CCDC85A: variants seen among roughly 807,000 people sequenced by gnomAD.
CCDC85A encodes coiled-coil domain-containing protein 85A.
Under a neutral mutation model 50.2 loss-of-function variants are expected in CCDC85A, and 38 were observed. The ratio of observed to expected loss-of-function variants is 0.76; its 90% CI spans 0.58 to 0.99. The LOEUF (loss-of-function observed/expected upper bound fraction) is 0.99. CCDC85A is among the 50% of genes least tolerant of loss of function. The pLI is 0.00. For synonymous variants in CCDC85A, 366 were observed against 301.4 expected (o/e 1.21, Z -2.22); for missense variants, 820 against 742.0 (o/e 1.11, Z -1.22).
At chr2:56,226,453 C>T (rs1160648) in intron 2 of CCDC85A, among the ~76,000 whole-genome samples, 56,039 of 151,942 alleles carry the variant, frequency 0.37, 11,922 homozygotes, top group East Asian at 0.58. Flanking sequence ...CCACAATGTC[C>T]AGCACTTAGT....
At chr2:56,378,574 C>G (rs922012179) in intron 5 of CCDC85A, among the ~76,000 whole-genome samples, 2 of 152,156 alleles carry the variant, frequency 1.3e-5, no homozygotes, top group Non-Finnish European at 2.9e-5. Flanking sequence ...GGTAAATTAA[C>G]TGTAATCTGA....
chr2:56,339,370 G>C (rs949255789), intron 2 of CCDC85A, among the ~76,000 whole-genome samples: 1 of 151,990 alleles, frequency 6.6e-6, no homozygotes, highest in African/African-American at 2.4e-5. Context: ...AAACGAGAGA[G>C]GATATTTTCC....
At chr2:56,368,022 G>A (rs1034988994) in intron 3 of CCDC85A, among the ~76,000 whole-genome samples, 3 of 150,814 alleles carry the variant, frequency 2.0e-5, no homozygotes, top group Non-Finnish European at 3.0e-5. Context: ...CCGGCACTGC[G>A]ACCCTGGAGT....
chr2:56,252,245 C>T (rs1165361053), intron 2 of CCDC85A, among the ~76,000 whole-genome samples: 1 of 151,906 alleles, frequency 6.6e-6, no homozygotes, highest in Non-Finnish European at 1.5e-5. Flanking sequence ...ACAGGGTTTC[C>T]CTGTGTTGGC....
At chr2:56,289,568 G>C (rs1001029924) in intron 2 of CCDC85A, among the ~76,000 whole-genome samples, 17 of 152,122 alleles carry the variant, frequency 1.1e-4, no homozygotes, top group Non-Finnish European at 2.4e-4. Context: ...AGTATGCTTG[G>C]AGCACAGGGT....
At position 56,248,537 on chromosome 2, in the gene CCDC85A, C is replaced by G. The variant is rs368749487; in HGVS notation, c.1240+55097C>G. 5.1e-4 allele frequency among the ~76,000 whole-genome samples: 77 copies of G among 152,294 alleles called. 1 individual carries two copies. Among genetic ancestry groups the G allele is most frequent in the African/African-American group, 1.8e-3 (75 of 41,572 alleles). ...AAAGTCCCTGGCATCCTAGGGCTCC[C>G]ACTGTGGCAATTGACTCAGTCCTGC... is the stretch of plus-strand genomic sequence containing the variant. On this transcript the variant is annotated intron_variant, in intron 2 of 5. Coordinates refer to ENST00000407595, the MANE Select transcript of CCDC85A (RefSeq NM_001080433.2).
intron 2 of CCDC85A, among the ~76,000 whole-genome samples, chr2:56,274,241 G>T (rs1477260894): frequency 2.6e-5 from 4 of 152,024 alleles, no homozygotes; most frequent in South Asian, 4.1e-4. Flanking sequence ...GTGTATTAGG[G>T]TTCTACAGAG....
At chr2:56,291,350 A>C (rs1382207207) in intron 2 of CCDC85A, among the ~76,000 whole-genome samples, 1 of 152,238 alleles carries the variant, frequency 6.6e-6, no homozygotes, top group Non-Finnish European at 1.5e-5. Context: ...TGGGGTGAAC[A>C]AGACAGCATT....
chr2:56,308,637 A>C (rs936591521), intron 2 of CCDC85A, among the ~76,000 whole-genome samples: 5 of 152,204 alleles, frequency 3.3e-5, no homozygotes, highest in African/African-American at 1.2e-4. Flanking sequence ...TTCTGTTTCT[A>C]CTTGATACTG....
At chr2:56,360,286 C>G (rs1055889954) in intron 3 of CCDC85A, among the ~76,000 whole-genome samples, 4 of 152,216 alleles carry the variant, frequency 2.6e-5, no homozygotes, top group East Asian at 1.9e-4. Context: ...TTATTAGTCT[C>G]TCTTCACAGC....
intron 2 of CCDC85A, among the ~76,000 whole-genome samples, chr2:56,265,120 A>T (rs1487053889): frequency 2.6e-5 from 4 of 152,070 alleles, no homozygotes; most frequent in Admixed American, 6.6e-5. Context: ...TTGCTCATGG[A>T]TGCTCCTGGC....
intron 2 of CCDC85A, among the ~76,000 whole-genome samples, chr2:56,310,999 CT>C (rs1237253017): frequency 6.6e-6 from 1 of 152,132 alleles, no homozygotes; most frequent in African/African-American, 2.4e-5. Flanking sequence ...TATAACGGGA[CT>C]TTTGATATTC....
intron 2 of CCDC85A, among the ~76,000 whole-genome samples, chr2:56,202,751 T>C (rs573899118): frequency 6.6e-6 from 1 of 152,356 alleles, no homozygotes; most frequent in Non-Finnish European, 1.5e-5. Context: ...CAGATTTTTG[T>C]TCATAGCAGC....
intron 1 of CCDC85A, among the ~76,000 whole-genome samples, chr2:56,190,446 G>C (rs142871513): frequency 6.6e-6 from 1 of 152,340 alleles, no homozygotes; most frequent in African/African-American, 2.4e-5. Context: ...TGAGGTCTCT[G>C]TTCTTGTGAC....
chr2:56,282,395 G>C (rs752788056), intron 2 of CCDC85A, among the ~76,000 whole-genome samples: 42 of 152,170 alleles, frequency 2.8e-4, no homozygotes, highest in Admixed American at 6.5e-4. Flanking sequence ...TTGAGGTCAA[G>C]TATATATTAA....
At chr2:56,294,355 T>C (rs1671852680) in intron 2 of CCDC85A, among the ~76,000 whole-genome samples, 1 of 152,104 alleles carries the variant, frequency 6.6e-6, no homozygotes, top group Non-Finnish European at 1.5e-5. Context: ...ACCTAGGTGG[T>C]GGGTTGATAG....
chr2:56,272,362 A>G (rs1470925516), intron 2 of CCDC85A, among the ~76,000 whole-genome samples: 1 of 152,110 alleles, frequency 6.6e-6, no homozygotes, highest in Non-Finnish European at 1.5e-5. Flanking sequence ...TAGAACTCCT[A>G]ACGGTCTTAT....
intron 2 of CCDC85A, among the ~76,000 whole-genome samples, chr2:56,341,410 G>A (rs557595481): frequency 3.2e-4 from 48 of 152,158 alleles, no homozygotes; most frequent in Non-Finnish European, 6.5e-4. Flanking sequence ...GTGGGCTTGC[G>A]GGGAGCCCTC....
At chr2:56,197,220 A>G (rs1421812417) in intron 2 of CCDC85A, among the ~76,000 whole-genome samples, 1 of 152,110 alleles carries the variant, frequency 6.6e-6, no homozygotes, top group Admixed American at 6.6e-5. Flanking sequence ...TTACAGCTAC[A>G]CTGTTATTAT....
Sources: allele counts gnomAD v4.1 joint callset (sites outside exome capture counted in the v4.1 genomes callset), GRCh38; gene constraint gnomAD v4.1.1; transcripts MANE v1.5; gene names NCBI Gene and HGNC (gene_info 2026-07-23, HGNC 2026-07-21).